CDH2: variants seen among roughly 807,000 people sequenced by gnomAD.
CDH2 encodes cadherin-2.
A neutral mutation model predicts 92.0 loss-of-function variants in CDH2; 17 were observed. The observed-to-expected ratio is 0.18, with a 90% CI of 0.13 to 0.28. CDH2 has a LOEUF of 0.28. CDH2 is among the 10% of genes least tolerant of loss of function. The probability of loss-of-function intolerance (pLI) is 1.00; values close to 1 mark genes in which losing one functional copy is unlikely to be tolerated. For missense variants in CDH2, 862 were observed against 1,133.1 expected (o/e 0.76, Z 3.44); for synonymous variants, 419 against 415.9 (o/e 1.01, Z -0.09).
intron 2 of CDH2, among the ~76,000 whole-genome samples, chr18:28,085,087 A>G (rs17446372): frequency 0.024 from 3,670 of 152,160 alleles, 63 homozygotes; most frequent in East Asian, 0.053. Flanking sequence ...CCTGTTGGAG[A>G]CTTACTTCCC....
intron 2 of CDH2, among the ~76,000 whole-genome samples, chr18:28,033,764 A>G (rs553776506): frequency 6.6e-6 from 1 of 152,272 alleles, no homozygotes; most frequent in African/African-American, 2.4e-5. Flanking sequence ...ATTCTATTAC[A>G]GTCATGCCTT....
chr18:27,976,077 T>C (rs1268904047), intron 14 of CDH2, among the ~76,000 whole-genome samples: 2 of 152,110 alleles, frequency 1.3e-5, no homozygotes, highest in East Asian at 3.9e-4. Context: ...TAAAAAGACA[T>C]TATTCAGAAG....
intron 2 of CDH2, among the ~76,000 whole-genome samples, chr18:28,037,850 T>C (rs1184595831): frequency 6.6e-6 from 1 of 152,120 alleles, no homozygotes; most frequent in Non-Finnish European, 1.5e-5. Flanking sequence ...GGTTATTGTT[T>C]GAACATGAAC....
At chr18:28,107,544 T>A (rs912924456) in intron 2 of CDH2, among the ~76,000 whole-genome samples, 2 of 152,154 alleles carry the variant, frequency 1.3e-5, no homozygotes, top group Admixed American at 1.3e-4. Flanking sequence ...ATAATATGTA[T>A]GCCATAACAC....
chr18:28,080,004 T>C (rs1246325867), intron 2 of CDH2, among the ~76,000 whole-genome samples: 2 of 152,150 alleles, frequency 1.3e-5, no homozygotes, highest in African/African-American at 4.8e-5. Flanking sequence ...ACAGCATTAC[T>C]AGAGTATGAT....
At chr18:28,129,672 T>TA (rs1346343942) in intron 2 of CDH2, among the ~76,000 whole-genome samples, 2 of 152,116 alleles carry the variant, frequency 1.3e-5, no homozygotes, top group African/African-American at 4.8e-5. Flanking sequence ...TACAAAAAAT[T>TA]AAAAAATTAG....
intron 2 of CDH2, among the ~76,000 whole-genome samples, chr18:28,053,826 C>CA (rs1267141001): frequency 6.6e-6 from 1 of 152,098 alleles, no homozygotes; most frequent in Non-Finnish European, 1.5e-5. Context: ...ATGGTGAATC[C>CA]AAACATCCCT....
chr18:27,948,941 C>T (rs776981237), downstream of CDH2, among the ~76,000 whole-genome samples: 17 of 151,878 alleles, frequency 1.1e-4, no homozygotes, highest in Non-Finnish European at 2.4e-4. Context: ...ACTCTGTATG[C>T]ATGTTTTTTT....
intron 2 of CDH2, among the ~76,000 whole-genome samples, chr18:28,083,395 C>A (rs2014867223): frequency 6.6e-6 from 1 of 152,044 alleles, no homozygotes; most frequent in African/African-American, 2.4e-5. Context: ...CAGGAAAAAC[C>A]TGGACCACAC....
chr18:28,147,175 T>C (rs2016048231), intron 2 of CDH2, among the ~76,000 whole-genome samples: 1 of 152,072 alleles, frequency 6.6e-6, no homozygotes, highest in African/African-American at 2.4e-5. Flanking sequence ...ATAACAAAAA[T>C]ATGAATTTCA....
chr18:27,937,626 T>C (rs1909048231), intron 6 of CDH2, among the ~76,000 whole-genome samples: 1 of 152,164 alleles, frequency 6.6e-6, no homozygotes, highest in Non-Finnish European at 1.5e-5. Context: ...AACTTTCTTT[T>C]CTAAATTCTC....
chr18:27,964,179 T>C (rs1225627087), intron 14 of CDH2, among the ~76,000 whole-genome samples: 1 of 152,220 alleles, frequency 6.6e-6, no homozygotes, highest in Non-Finnish European at 1.5e-5. Flanking sequence ...TGCTGACCTC[T>C]GGTTTAGTGG....
chr18:28,164,212 A>G (rs759698141), intron 1 of CDH2, among the ~76,000 whole-genome samples: 29 of 152,216 alleles, frequency 1.9e-4, no homozygotes, highest in Non-Finnish European at 3.4e-4. Context: ...AAACCTAGAT[A>G]CACAGGCCCT....
rs372917882 is a variant in CDH2, at chr18:27,941,270, C to T, written c.1152-8146G>A. 3.9e-5 allele frequency among the ~76,000 whole-genome samples: 6 copies of T among 152,116 alleles called. No homozygotes were observed. The East Asian group carries it at 5.8e-4, about 15-fold the overall frequency. Reference sequence around the variant, plus strand: ...CAGGATGGTCTTGATCTCCTGACCTCGTGATCCGCCCGTCTCGGCCTCCTA... The same window carrying T: ...CAGGATGGTCTTGATCTCCTGACCTTGTGATCCGCCCGTCTCGGCCTCCTA... On this transcript the variant is annotated intron_variant, in intron 6 of 6. Transcript: ENST00000675173.
chr18:28,144,011 A>G (rs1284385404), intron 2 of CDH2, among the ~76,000 whole-genome samples: 2 of 151,940 alleles, frequency 1.3e-5, no homozygotes, highest in African/African-American at 2.4e-5. Context: ...GTGGAGGGCA[A>G]GGGGAGGGAG....
chr18:27,971,705 G>C (rs533195696), intron 14 of CDH2, among the ~76,000 whole-genome samples: 19 of 152,248 alleles, frequency 1.2e-4, no homozygotes, highest in African/African-American at 3.9e-4. Context: ...TGTGAAATCA[G>C]AATCTTTCAA....
At chr18:28,056,232 C>G (rs910979247) in intron 2 of CDH2, among the ~76,000 whole-genome samples, 7 of 151,918 alleles carry the variant, frequency 4.6e-5, no homozygotes, top group Non-Finnish European at 8.8e-5. Flanking sequence ...TTAGGTATGA[C>G]CAAGCTGGCT....
At chr18:28,074,691 C>CT (rs33980354) in intron 2 of CDH2, among the ~76,000 whole-genome samples, 2,290 of 146,054 alleles carry the variant, frequency 0.016, 58 homozygotes, top group African/African-American at 0.051. Context: ...AAAGGAGGCC[C>CT]TTTTTTTTTT....
chr18:28,075,921 C>T (rs975339801), intron 2 of CDH2, among the ~76,000 whole-genome samples: 2 of 152,164 alleles, frequency 1.3e-5, no homozygotes, highest in African/African-American at 2.4e-5. Flanking sequence ...CTTATTTACC[C>T]TACCAAGGGA....
Sources: allele counts gnomAD v4.1 joint callset (sites outside exome capture counted in the v4.1 genomes callset), GRCh38; gene constraint gnomAD v4.1.1; transcripts MANE v1.5; gene names NCBI Gene and HGNC (gene_info 2026-07-23, HGNC 2026-07-21).